The following PEAK1 variants were observed in gnomAD, a reference collection of about 807,000 sequenced individuals.
PEAK1 encodes pseudopodium enriched atypical kinase 1.
A neutral mutation model predicts 124.7 loss-of-function variants in PEAK1; 54 were observed. That is an observed-to-expected ratio of 0.43 (90% CI 0.35 to 0.54). The LOEUF is 0.54. Among genes scored for constraint, PEAK1 ranks in the 20% least tolerant of loss-of-function variants. PEAK1 has a pLI of 0.01. For synonymous variants in PEAK1, 719 were observed against 760.0 expected (o/e 0.95, Z 0.89); for missense variants, 2,046 against 2,134.5 (o/e 0.96, Z 0.82).
rs772991933 is a variant in PEAK1 at position 77,180,870 on chromosome 15, G to A, written c.1057C>T (p.Arg353Cys). ...SPDSSLTEES[R>C]SETASSLSQK... The stretch of plus-strand genomic sequence containing the variant: ...GATAAACTACTGGCTGTCTCAGAAC[G>A]TGATTCTTCTGTTAAAGAAGAATCT... The change falls in exon 7 of 10, where the codon CGT (arginine) becomes TGT (cysteine). Residue 353 changes from arginine to cysteine, a missense_variant. By Grantham distance (180) the Arg-to-Cys change is radical (BLOSUM62 -3). Transcript: ENST00000682557. 1.1e-5 allele frequency: 17 copies of A among 1,613,780 alleles called. No homozygotes were observed. The highest frequency in any genetic ancestry group is 1.6e-4 in the Middle Eastern group (1 of 6,084).
chr15:77,178,460 C>A lies in PEAK1; in HGVS notation c.3137+330G>T, dbSNP rs1236389069. 13 of 328,124 alleles carry A rather than the reference C, an allele frequency of 4.0e-5. No homozygotes were observed. In the East Asian group the frequency reaches 4.7e-4, roughly 12 times the overall value. 20.3% of individuals were successfully genotyped at this position (328,124 alleles called of 1,614,324 possible). The stretch of plus-strand genomic sequence containing the variant: ...ATTTATTCATTTGATCCTGTTTCTT[C>A]CTCACACTACCATCACATTCCAAAA... On this transcript the variant is annotated intron_variant, in intron 7 of 9. Coordinates refer to ENST00000682557, the MANE Select transcript of PEAK1 (RefSeq NM_001385026.1).
At chr15:77,218,462 ACTGC>A (rs1178529782) in intron 6 of PEAK1, among the ~76,000 whole-genome samples, 6 of 152,080 alleles carry the variant, frequency 3.9e-5, no homozygotes, top group African/African-American at 1.4e-4. Flanking sequence ...TTAAACCAAC[ACTGC>A]AACCCTGGGA....
intron 1 of PEAK1, among the ~76,000 whole-genome samples, chr15:77,390,391 T>C (rs2070354462): frequency 6.6e-6 from 1 of 152,242 alleles, no homozygotes; most frequent in African/African-American, 2.4e-5. Flanking sequence ...TAATTAGGGC[T>C]TTCCAGAGCT....
At chr15:77,419,578 G>A (rs192440427) in intron 1 of PEAK1, 1 of 984,978 alleles carries the variant, frequency 1.0e-6, no homozygotes, top group African/African-American at 1.7e-5. Context: ...TGTGGACCCG[G>A]CAGGAGCCAG....
At chr15:77,205,268 C>CCT (rs765821131) in intron 6 of PEAK1, among the ~76,000 whole-genome samples, 5 of 126,494 alleles carry the variant, frequency 4.0e-5, no homozygotes, top group African/African-American at 1.4e-4. Flanking sequence ...GATCAAATGC[C>CCT]TTTTTTTAAA....
At chr15:77,178,116 T>G (rs1402749199) in intron 7 of PEAK1, 1 of 152,180 alleles carries the variant, frequency 6.6e-6, no homozygotes. Flanking sequence ...TATTAAGGTA[T>G]TCAAGAAAAT....
rs1280942583 is a variant in PEAK1, at chr15:77,286,916, T to C, written c.-602-412A>G. On this transcript the variant is annotated intron_variant, in intron 2 of 9. Coordinates refer to ENST00000682557, the MANE Select transcript of PEAK1 (RefSeq NM_001385026.1). ...TGGGTGGAAGGTGAGTGGTGAGTTATATAAAACTTTGATAATCCAAAAGAA... is the reference window on the plus strand; with the variant it reads ...TGGGTGGAAGGTGAGTGGTGAGTTACATAAAACTTTGATAATCCAAAAGAA... 2.0e-5 allele frequency among the ~76,000 whole-genome samples: 3 copies of C among 152,186 alleles called. No homozygotes were observed. In the East Asian group the frequency reaches 5.8e-4, roughly 29 times the overall value.
chr15:77,352,813 A>G (rs2067286507), intron 2 of PEAK1: 1 of 984,928 alleles, frequency 1.0e-6, no homozygotes, highest in Non-Finnish European at 1.2e-6. Context: ...CAATTTGAAG[A>G]TAGATGTGCC....
chr15:77,261,823 T>C (rs1344562484), intron 5 of PEAK1, among the ~76,000 whole-genome samples: 1 of 151,938 alleles, frequency 6.6e-6, no homozygotes. Context: ...TCACCAAAGT[T>C]GAAATGAAGG....
At chr15:77,166,517 C>T (rs2056109773) in intron 7 of PEAK1, among the ~76,000 whole-genome samples, 1 of 152,200 alleles carries the variant, frequency 6.6e-6, no homozygotes, top group Admixed American at 6.5e-5. Context: ...ATTACCCCCT[C>T]CCAGTTGTGA....
chr15:77,352,519 AATAC>A, intron 2 of PEAK1: 1 of 982,740 alleles, frequency 1.0e-6, no homozygotes, highest in Non-Finnish European at 1.2e-6. Context: ...AAAATTTAAA[AATAC>A]ATACATTTTA....
rs138874589 is a variant in PEAK1 at position 77,402,838 on chromosome 15, T to C, written c.-666+17168A>G. On this transcript the variant is annotated intron_variant, in intron 1 of 9. Transcript: ENST00000682557. The stretch of plus-strand genomic sequence containing the variant: ...AAGCCATGTTGTATGAAAAAAAAAA[T>C]GCCCTAACGAATGGGAAATATCTAA... 2.5e-3 allele frequency: 2,445 copies of C among 984,148 alleles called. 13 individuals are homozygous for C. The highest frequency in any genetic ancestry group is 0.022 in the South Asian group (477 of 21,246). 61.0% of individuals were successfully genotyped at this position (984,148 alleles called of 1,614,324 possible). A position where few individuals can be genotyped will look rare whatever the true frequency, so the allele number is the denominator to read the frequency against.
chr15:77,349,879 T>C (rs2067102058), intron 2 of PEAK1: 1 of 985,306 alleles, frequency 1.0e-6, no homozygotes, highest in Non-Finnish European at 1.2e-6. Flanking sequence ...CTGAACAATA[T>C]GGTATCTAAA....
At chr15:77,334,506 G>A (rs1181233338) in intron 2 of PEAK1, 7 of 985,154 alleles carry the variant, frequency 7.1e-6, no homozygotes, top group African/African-American at 1.7e-5. Context: ...TTCCACTCAC[G>A]ACCCAGGCAG....
chr15:77,106,512 C>G (rs2050753781), downstream of PEAK1: 1 of 152,146 alleles, frequency 6.6e-6, no homozygotes, highest in African/African-American at 2.4e-5. Context: ...TACAGGTGCC[C>G]ACCACCAAGC....
chr15:77,197,146 C>T (rs1357290597), intron 6 of PEAK1, among the ~76,000 whole-genome samples: 1 of 152,058 alleles, frequency 6.6e-6, no homozygotes, highest in Non-Finnish European at 1.5e-5. Flanking sequence ...AGCCACCACA[C>T]CCAGACTAAA....
chr15:77,114,285 G>C lies in PEAK1; in HGVS notation c.5112C>G (p.Ile1704Met). 2 of 1,614,222 alleles carry C rather than the reference G, an allele frequency of 1.2e-6. No homozygotes were observed. The highest frequency in any genetic ancestry group is 1.7e-6 in the Non-Finnish European group (2 of 1,180,044). The change falls in exon 10 of 10, where the codon ATC becomes ATG. Residue 1704 changes from isoleucine to methionine, a missense_variant. Transcript: ENST00000682557. ...WLDIKRTLLM[I>M]KFAEKSLDRE... ...TGTCCAGGGACTTCTCAGCAAACTT[G>C]ATCATGAGCAGTGTTCGCTTGATGT...
At position 77,114,535 on chromosome 15, in the gene PEAK1, G is replaced by A. The variant is rs750608763; in HGVS notation, c.4862C>T (p.Thr1621Ile). Reference sequence around the variant, plus strand: ...TGGGATGCGAGGCAGGTCTGCTCGTGTGTATTCCCTCTCCTTCAGCTCTGG... The same window carrying A: ...TGGGATGCGAGGCAGGTCTGCTCGTATGTATTCCCTCTCCTTCAGCTCTGG... Reference protein sequence around the residue: ...ENPELKEREYTRADLPRIPFR... With the variant: ...ENPELKEREYIRADLPRIPFR... The change falls in exon 10 of 10, where the codon ACA becomes ATA. Residue 1621 changes from threonine (T) to isoleucine (I), a missense_variant. Thr to Ile is a moderately conservative substitution (Grantham distance 89, BLOSUM62 -1). Transcript: ENST00000682557. The A allele has an allele frequency of 3.1e-6, 5 of 1,614,024 alleles. No individual in the cohort carries two copies. Among genetic ancestry groups the A allele is most frequent in the Non-Finnish European group, 4.2e-6 (5 of 1,180,034 alleles).
rs1464216314 is a variant in PEAK1, at chr15:77,409,684, C to G, written c.-666+10322G>C. On this transcript the variant is annotated intron_variant, in intron 1 of 9. Transcript: ENST00000682557. ...CTTTCTGTCAGTGTTTTTTCTTGTT[C>G]ACAGAGGGATTTGTTTTCCTTTAAC... Among the ~76,000 whole-genome samples the G allele has an allele frequency of 5.9e-5, 9 of 152,136 alleles. 1 individual carries two copies. The highest frequency in any genetic ancestry group is 5.9e-4 in the Admixed American group (9 of 15,264).
Sources: gnomAD v4.1 joint callset for allele counts (sites outside exome capture counted in the v4.1 genomes callset) on GRCh38, gnomAD v4.1.1 for gene constraint, MANE v1.5 for transcripts, NCBI Gene and HGNC (gene_info 2026-07-23, HGNC 2026-07-21) for gene names.